The following GET1 variants were observed in gnomAD, a reference collection of about 807,000 sequenced individuals.
The protein encoded by GET1 is guided entry of tail-anchored proteins factor 1, also known as congenital heart disease 5 protein.
A neutral mutation model predicts 22.6 loss-of-function variants in GET1; 20 were observed. The observed-to-expected ratio is 0.89, with a 90% CI of 0.62 to 1.29. The LOEUF (loss-of-function observed/expected upper bound fraction) is 1.29. Ranked by LOEUF, GET1 falls within the 50% of genes most tolerant of loss-of-function variation. The pLI, the probability that GET1 is intolerant of heterozygous loss-of-function variation, is 0.00. For synonymous variants in GET1, 92 were observed against 83.8 expected, an observed-to-expected ratio of 1.10 and a Z score of -0.53; for missense variants, 209 against 219.9, an observed-to-expected ratio of 0.95 and a Z score of 0.31.
chr21:39,415,451 T>G (rs892199758), intron 1 of GET1, among the ~76,000 whole-genome samples: 2 of 152,218 alleles, frequency 1.3e-5, no homozygotes, highest in African/African-American at 2.4e-5. Context: ...ACAACTCATG[T>G]GCTGTTTCCC....
intron 1 of GET1, among the ~76,000 whole-genome samples, chr21:39,382,699 T>G (rs927518962): frequency 6.6e-6 from 1 of 152,248 alleles, no homozygotes; most frequent in Non-Finnish European, 1.5e-5. Context: ...TTTTGACTAT[T>G]GTAGATAATG....
intron 1 of GET1, chr21:39,422,996 C>A (rs548708923): frequency 1.2e-5 from 20 of 1,612,200 alleles, no homozygotes; most frequent in Non-Finnish European, 1.6e-5. Flanking sequence ...TTGTCATTTG[C>A]GTCCATTTTT....
intron 4 of GET1, among the ~76,000 whole-genome samples, chr21:39,404,307 A>G (rs1354466630): frequency 6.6e-6 from 1 of 152,242 alleles, no homozygotes; most frequent in Non-Finnish European, 1.5e-5. Flanking sequence ...TTTTTAGAAC[A>G]AGGTTAACAG....
intron 1 of GET1, among the ~76,000 whole-genome samples, chr21:39,412,247 C>A (rs781474218): frequency 2.6e-5 from 4 of 152,122 alleles, no homozygotes; most frequent in Non-Finnish European, 5.9e-5. Flanking sequence ...TATTGGATGG[C>A]ACAGGTGAAC....
At chr21:39,405,815 A>C in intron 4 of GET1, 1 of 1,238,162 alleles carries the variant, frequency 8.1e-7, no homozygotes, top group South Asian at 1.6e-5. Flanking sequence ...ACACATTTCA[A>C]AAATAAGATG....
chr21:39,398,768 C>CA (rs1442574408), downstream of GET1, among the ~76,000 whole-genome samples: 2 of 151,026 alleles, frequency 1.3e-5, no homozygotes, highest in Non-Finnish European at 3.0e-5. Flanking sequence ...CGCCCGCCGT[C>CA]ACGCCCAGCT....
intron 1 of GET1, chr21:39,387,784 C>T (rs2146944864): frequency 1.0e-6 from 1 of 985,570 alleles, no homozygotes; most frequent in Non-Finnish European, 1.2e-6. Flanking sequence ...CACCCTCAGG[C>T]GACTGGCGGG....
At chr21:39,388,192 C>CGT (rs2038052748) in intron 1 of GET1, among the ~76,000 whole-genome samples, 1 of 152,002 alleles carries the variant, frequency 6.6e-6, no homozygotes, top group South Asian at 2.1e-4. Context: ...ATAGTGAAAC[C>CGT]GTGTGTCTAC....
intron 1 of GET1, 85 bp from the exon 2 acceptor site, chr21:39,390,613 G>A: frequency 6.5e-7 from 1 of 1,538,318 alleles, no homozygotes; most frequent in South Asian, 1.2e-5. Flanking sequence ...AGTGGTCAGG[G>A]CATAGACAGA....
intron 1 of GET1, among the ~76,000 whole-genome samples, chr21:39,419,173 T>C (rs1016673271): frequency 6.6e-6 from 1 of 152,116 alleles, no homozygotes; most frequent in African/African-American, 2.4e-5. Flanking sequence ...ATTCTTCTCC[T>C]GTCTCTGAGT....
intron 4 of GET1, 124 bp from the exon 5 acceptor site, chr21:39,396,742 A>G (rs1179129133): frequency 1.3e-6 from 1 of 789,210 alleles, no homozygotes; most frequent in Non-Finnish European, 2.0e-6. Flanking sequence ...CATAAACTTC[A>G]CTTCAGCCCA....
intron 1 of GET1, chr21:39,411,696 A>G (rs200422764): frequency 4.7e-5 from 58 of 1,238,246 alleles, no homozygotes; most frequent in Non-Finnish European, 6.1e-5. Flanking sequence ...ATAGATTTTG[A>G]GCAAAAGTAA....
rs368368192 is a variant in GET1 at position 39,416,965 on chromosome 21, C to T, written c.*23+6028C>T. ...CCCTGTCTGCAGGTTCTGCATCCCG[C>T]GGTTACAAAGGGCTAACTGTATACA... On this transcript the variant is annotated intron_variant, in intron 1 of 1. Coordinates refer to the GET1 transcript ENST00000478273. Among the ~76,000 whole-genome samples, 8 of 152,158 alleles carry T rather than the reference C, an allele frequency of 5.3e-5. No individual in the cohort carries two copies. In the East Asian group the frequency reaches 7.7e-4, roughly 15 times the overall value.
intron 1 of GET1, among the ~76,000 whole-genome samples, chr21:39,416,073 T>C (rs774280154): frequency 2.0e-5 from 3 of 152,218 alleles, no homozygotes; most frequent in Non-Finnish European, 2.9e-5. Flanking sequence ...TCTAATCCTG[T>C]CATTCCTTCT....
At chr21:39,412,316 G>C (rs892932001) in intron 1 of GET1, among the ~76,000 whole-genome samples, 1 of 152,246 alleles carries the variant, frequency 6.6e-6, no homozygotes, top group East Asian at 1.9e-4. Context: ...CAAGGGCCGG[G>C]GGGGAAGCCT....
intron 1 of GET1, chr21:39,420,898 T>G: frequency 1.4e-6 from 2 of 1,399,610 alleles, no homozygotes; most frequent in South Asian, 2.5e-5. Flanking sequence ...TGTTAAAAAC[T>G]TCAATTATCA....
At chr21:39,388,109 T>C (rs535162935) in intron 1 of GET1, among the ~76,000 whole-genome samples, 3 of 152,164 alleles carry the variant, frequency 2.0e-5, no homozygotes, top group African/African-American at 7.2e-5. Flanking sequence ...GCACAGTGGC[T>C]CACGCCTTTA....
rs2038313659 is a variant in GET1 at position 39,391,807 on chromosome 21, G to A, written c.307G>A (p.Val103Met). 1 of 1,614,150 alleles carries A rather than the reference G, an allele frequency of 6.2e-7. No homozygotes were observed. The highest frequency in any genetic ancestry group is 8.5e-7 in the Non-Finnish European group (1 of 1,180,018). The change falls in exon 3 of 5, where the codon GTG becomes ATG. Residue 103 changes from valine to methionine, a missense_variant. By Grantham distance (21) the Val-to-Met change is conservative. Transcript: ENST00000649170. ...RTAQLAKIKW[V>M]ISVAFYVLQA... is the part of the protein sequence containing the mutation. ...AGCTCAATTAGCCAAGATAAAATGG[G>A]TGATAAGTGTCGCTTTCTACGTATT...
intron 1 of GET1, among the ~76,000 whole-genome samples, chr21:39,387,242 A>G (rs1238750725): frequency 6.6e-6 from 1 of 152,166 alleles, no homozygotes; most frequent in Admixed American, 6.5e-5. Context: ...AGCTGCCTTC[A>G]GTTTTCCTGA....
Sources: allele counts gnomAD v4.1 joint callset (sites outside exome capture counted in the v4.1 genomes callset), GRCh38; gene constraint gnomAD v4.1.1; transcripts MANE v1.5; gene names NCBI Gene and HGNC (gene_info 2026-07-23, HGNC 2026-07-21).